Variants in ANGPTL7 observed in about 807,000 individuals in gnomAD.
ANGPTL7 encodes angiopoietin-related protein 7.
In ANGPTL7, 37 loss-of-function variants were observed where a neutral mutation model predicts 38.8. That is an observed-to-expected ratio of 0.95 (90% CI 0.73 to 1.25). The LOEUF is 1.25. Ranked by LOEUF, ANGPTL7 falls within the 50% of genes most tolerant of loss-of-function variation. ANGPTL7 has a pLI of 0.00. For synonymous variants in ANGPTL7, 166 were observed against 163.2 expected (o/e 1.02, Z -0.13); for missense variants, 427 against 438.6 (o/e 0.97, Z 0.24).
chr1:11,189,519 T>C lies in ANGPTL7; in HGVS notation c.-61T>C. ...TCAGCCTGCTGCAGCTTTGCAGACC[T>C]CAGCTGGGCATCTCCAGACTCCCCT... is the stretch of plus-strand genomic sequence containing the variant. On this transcript the variant is annotated 5_prime_UTR_variant, in exon 1 of 5. Coordinates refer to ENST00000376819, the MANE Select transcript of ANGPTL7 (RefSeq NM_021146.4). The C allele has an allele frequency of 1.3e-6, 2 of 1,523,520 alleles. No individual in the cohort carries two copies. Among genetic ancestry groups the C allele is most frequent in the African/African-American group, 1.4e-5 (1 of 71,542 alleles). 94.4% of individuals were successfully genotyped at this position (1,523,520 alleles called of 1,614,324 possible).
At chr1:11,192,693 C>T (rs1038417396) in intron 2 of ANGPTL7, among the ~76,000 whole-genome samples, 6 of 149,534 alleles carry the variant, frequency 4.0e-5, no homozygotes, top group Admixed American at 2.0e-4. Context: ...TGCAGTGAGC[C>T]GAGATCACGC....
rs773979515 is a variant in ANGPTL7, at chr1:11,189,889, G to A, written c.310G>A (p.Glu104Lys). Residue 104 changes from glutamate (E) to lysine (K), a missense_variant, in exon 1 of 5, where the codon GAG (glutamate) becomes AAG (lysine). Physicochemically the swap from Glu to Lys is moderately conservative, Grantham distance 56. Transcript: ENST00000376819. Reference protein sequence around the residue: ...RLTDAESKYSEMNNQIDIMQL... With the variant: ...RLTDAESKYSKMNNQIDIMQL... ...CACAGATGCTGAGAGCAAGTACTCC[G>A]AGATGAACAACCAAATTGACATCAT... The A allele has an allele frequency of 5.6e-6, 9 of 1,613,974 alleles. No individual in the cohort carries two copies. The highest frequency in any genetic ancestry group is 4.0e-5 in the African/African-American group (3 of 74,932).
chr1:11,193,535 T>TTCTGCCCC (rs775396715), intron 2 of ANGPTL7, 45 bp from the exon 3 acceptor site: 192 of 1,534,578 alleles, frequency 1.3e-4, no homozygotes, highest in Non-Finnish European at 1.6e-4. Flanking sequence ...TGCTCCTGCC[T>TTCTGCCCC]TCTGCCCCTG....
chr1:11,193,974 G>A (rs1380642722), intron 3 of ANGPTL7, among the ~76,000 whole-genome samples, 200 bp downstream of exon 3: 1 of 152,194 alleles, frequency 6.6e-6, no homozygotes, highest in Non-Finnish European at 1.5e-5. Flanking sequence ...CGACAAAAGT[G>A]GGGCTGCAGG....
Position 11,193,586 on chromosome 1 carries a change from T to G in ANGPTL7, c.484T>G (p.Cys162Gly). 6.3e-7 allele frequency: 1 copy of G among 1,588,212 alleles called. No homozygotes were observed. Among genetic ancestry groups the G allele is most frequent in the Non-Finnish European group, 8.6e-7 (1 of 1,166,872 alleles). The change falls in exon 3 of 5, where the codon TGT (cysteine) becomes GGT (glycine). Residue 162 changes from cysteine to glycine, a missense_variant. Cys to Gly is a radical substitution (Grantham distance 159). Coordinates refer to ENST00000376819, the MANE Select transcript of ANGPTL7 (RefSeq NM_021146.4). The stretch of plus-strand genomic sequence containing the variant: ...AGTATCCCCTCTGCTTCAGGTGTTC[T>G]GTGACATGGAGACTTCAGGCGGAGG... ...FLGSPELEVF[C>G]DMETSGGGWT...
chr1:11,193,751 A>G lies in ANGPTL7; in HGVS notation c.649A>G (p.Thr217Ala), dbSNP rs996057185. ...EHIHRLSRQP[T>A]RLRVEMEDWE... ...CATCCACCGGCTCTCCAGACAGCCA[A>G]CCCGGCTGCGTGTAGAGATGGAGGT... Residue 217 changes from threonine to alanine, a missense_variant, in exon 3 of 5, where the codon ACC (threonine) becomes GCC (alanine). Thr to Ala is a moderately conservative substitution (Grantham distance 58, BLOSUM62 0). Transcript: ENST00000376819. 2 of 1,614,070 alleles carry G rather than the reference A, an allele frequency of 1.2e-6. No homozygotes were observed. The highest frequency in any genetic ancestry group is 2.7e-5 in the African/African-American group (2 of 75,014).
At position 11,195,101 on chromosome 1, in the gene ANGPTL7, G is replaced by C. The variant is rs1003232904; in HGVS notation, c.*78G>C. On this transcript the variant is annotated 3_prime_UTR_variant, in exon 5 of 5. Transcript: ENST00000376819. ...ATGAGGGCAGATGAGGACAGGAAGA[G>C]AGTGTTAGAAAGGGTAGGACTGAGA... The C allele has an allele frequency of 6.1e-6, 9 of 1,477,096 alleles. No homozygotes were observed. In the South Asian group the frequency reaches 9.9e-5, roughly 16 times the overall value. The allele number at this position is 1,477,096 out of a possible 1,614,324, so 91.5% of individuals were successfully genotyped here.
chr1:11,193,729 C>G lies in ANGPTL7; in HGVS notation c.627C>G (p.Ile209Met). ...ACTTCTGGCTGGGGAACGAACACAT[C>G]CACCGGCTCTCCAGACAGCCAACCC... ...RGDFWLGNEHIHRLSRQPTRL... is the reference protein window; with the variant it reads ...RGDFWLGNEHMHRLSRQPTRL... The change falls in exon 3 of 5, where the codon ATC becomes ATG. Residue 209 changes from isoleucine (I) to methionine (M), a missense_variant. Transcript: ENST00000376819. 1 of 1,614,164 alleles carries G rather than the reference C, an allele frequency of 6.2e-7. No homozygotes were observed. Among genetic ancestry groups the G allele is most frequent in the Non-Finnish European group, 8.5e-7 (1 of 1,180,022 alleles).
intron 1 of ANGPTL7, among the ~76,000 whole-genome samples, chr1:11,190,425 C>T (rs558737403): frequency 1.3e-5 from 2 of 152,302 alleles, no homozygotes; most frequent in East Asian, 3.9e-4. Context: ...ATTTTGTGTC[C>T]TCTCTCTGTA....
intron 1 of ANGPTL7, among the ~76,000 whole-genome samples, chr1:11,190,888 C>T (rs1227411038): frequency 1.3e-5 from 2 of 152,128 alleles, no homozygotes; most frequent in South Asian, 2.1e-4. Context: ...CAATGGTTAA[C>T]CTCAGCTCAA....
rs879194417 is a variant in ANGPTL7, at chr1:11,189,539, T to C, written c.-41T>C. 6 of 1,542,206 alleles carry C rather than the reference T, an allele frequency of 3.9e-6. No homozygotes were observed. In the Admixed American group the frequency reaches 1.0e-4, roughly 26 times the overall value. On this transcript the variant is annotated 5_prime_UTR_variant, in exon 1 of 5. Transcript: ENST00000376819. ...AGACCTCAGCTGGGCATCTCCAGAC[T>C]CCCCTGAAGGAAGAGCCTTCCTCAC... is the stretch of plus-strand genomic sequence containing the variant.
Position 11,195,001 on chromosome 1 carries a change from G to T in ANGPTL7, c.1019G>T (p.Arg340Leu). 6.2e-7 allele frequency: 1 copy of T among 1,613,760 alleles called. No individual in the cohort carries two copies. The highest frequency in any genetic ancestry group is 8.5e-7 in the Non-Finnish European group (1 of 1,179,978). Residue 340 changes from arginine to leucine, a missense_variant, in exon 5 of 5, where the codon CGC becomes CTC. Physicochemically the swap from Arg to Leu is moderately radical, Grantham distance 102. Coordinates refer to ENST00000376819, the MANE Select transcript of ANGPTL7 (RefSeq NM_021146.4). ...CTCAAACGGGTGGAGATGAAAATCC[G>T]CCCAGAAGACTTCAAGCCTTAAAAG... The part of the protein sequence containing the change: ...YSLKRVEMKI[R>L]PEDFKP
At chr1:11,192,748 TAA>T (rs56996673) in intron 2 of ANGPTL7, among the ~76,000 whole-genome samples, 11,520 of 119,178 alleles carry the variant, frequency 0.097, 807 homozygotes, top group African/African-American at 0.2. Flanking sequence ...CCATTTCAAT[TAA>T]AAAAAAAAAA....
At chr1:11,192,768 A>G (rs1324901410) in intron 2 of ANGPTL7, among the ~76,000 whole-genome samples, 1 of 131,748 alleles carries the variant, frequency 7.6e-6, no homozygotes, top group Admixed American at 7.8e-5. Flanking sequence ...AAAAAAAAAA[A>G]GGAAAACTCA....
At chr1:11,193,319 A>G (rs1442405241) in intron 2 of ANGPTL7, among the ~76,000 whole-genome samples, 1 of 152,064 alleles carries the variant, frequency 6.6e-6, no homozygotes, top group African/African-American at 2.4e-5. Context: ...TCAAAAAAAA[A>G]AAAAGTATCT....
Position 11,194,900 on chromosome 1 carries a change from G to A in ANGPTL7, c.918G>A (p.Val306=), listed in dbSNP as rs1164220674. The A allele has an allele frequency of 1.2e-6, 2 of 1,614,172 alleles. No individual in the cohort carries two copies. The highest frequency in any genetic ancestry group is 2.2e-5 in the East Asian group (1 of 44,880). ...NCCTDSNLNG[V]YYRLGEHNKH... is the part of the protein sequence containing the mutation. Reference sequence around the variant, plus strand: ...GCACAGACTCCAACCTCAATGGAGTGTACTACCGCCTGGGTGAGCACAATA... The same window carrying A: ...GCACAGACTCCAACCTCAATGGAGTATACTACCGCCTGGGTGAGCACAATA... Residue 306 remains valine, a synonymous_variant, in exon 5 of 5, where the codon GTG becomes GTA. Coordinates refer to ENST00000376819, the MANE Select transcript of ANGPTL7 (RefSeq NM_021146.4).
chr1:11,194,458 C>G lies in ANGPTL7; in HGVS notation c.673-3C>G. On this transcript the variant is annotated splice_region_variant and splice_polypyrimidine_tract_variant and intron_variant, in intron 3 of 4. Coordinates refer to ENST00000376819, the MANE Select transcript of ANGPTL7 (RefSeq NM_021146.4). ...TTCTTTAAGGCTCTGCTCCTCCTGA[C>G]AGGACTGGGAGGGCAACCTGCGCTA... 8.1e-6 allele frequency: 13 copies of G among 1,613,750 alleles called. No individual in the cohort carries two copies. The highest frequency in any genetic ancestry group is 1.1e-5 in the Non-Finnish European group (13 of 1,179,966).
chr1:11,192,221 A>C (rs1645566131), intron 1 of ANGPTL7, 49 bp from the exon 2 acceptor site: 1 of 1,383,284 alleles, frequency 7.2e-7, no homozygotes, highest in Non-Finnish European at 1.0e-6. Flanking sequence ...CTCAACTCAG[A>C]TGGAGCCACT....
rs758617886 is a variant in ANGPTL7 at position 11,193,565 on chromosome 1, T to A, written c.478-15T>A. On this transcript the variant is annotated splice_polypyrimidine_tract_variant and intron_variant, in intron 2 of 4. Coordinates refer to ENST00000376819, the MANE Select transcript of ANGPTL7 (RefSeq NM_021146.4). ...CCCCTGCAAGTCCCTCACCAGAGTA[T>A]CCCCTCTGCTTCAGGTGTTCTGTGA... 2 of 1,565,624 alleles carry A rather than the reference T, an allele frequency of 1.3e-6. No homozygotes were observed. The highest frequency in any genetic ancestry group is 1.2e-5 in the South Asian group (1 of 81,694).
Sources: allele counts gnomAD v4.1 joint callset (sites outside exome capture counted in the v4.1 genomes callset), GRCh38; gene constraint gnomAD v4.1.1; transcripts MANE v1.5; gene names NCBI Gene and HGNC (gene_info 2026-07-23, HGNC 2026-07-21).